The following WASHC5 variants were observed in gnomAD, a reference collection of about 807,000 sequenced individuals.
WASHC5 encodes the protein WASH complex subunit 5.
Under a neutral mutation model 150.4 loss-of-function variants are expected in WASHC5, and 101 were observed. The ratio of observed to expected loss-of-function variants is 0.67; its 90% CI spans 0.57 to 0.79. WASHC5 has a LOEUF of 0.79. Among genes scored for constraint, WASHC5 ranks in the 30% least tolerant of loss-of-function variants. WASHC5 has a pLI of 0.00. For missense variants in WASHC5, 1,195 were observed against 1,396.3 expected, an observed-to-expected ratio of 0.86 and a Z score of 2.30; for synonymous variants, 467 against 491.2, an observed-to-expected ratio of 0.95 and a Z score of 0.65.
chr8:125,077,012 CCTT>C (rs1451986221), intron 6 of WASHC5, among the ~76,000 whole-genome samples: 1 of 152,310 alleles, frequency 6.6e-6, no homozygotes, highest in Non-Finnish European at 1.5e-5. Flanking sequence ...TGAAATCTCT[CCTT>C]CTCTGGTTTC....
At chr8:125,082,149 A>G (rs977556955) in intron 4 of WASHC5, among the ~76,000 whole-genome samples, 8 of 152,222 alleles carry the variant, frequency 5.3e-5, no homozygotes, top group African/African-American at 1.4e-4. Context: ...AGAAGACAGA[A>G]TTCTTACACC....
chr8:125,057,477 G>T, intron 15 of WASHC5, 79 bp downstream of exon 15: 1 of 928,714 alleles, frequency 1.1e-6, no homozygotes. Context: ...ATATACTTTT[G>T]GGGGGCCTAA....
chr8:125,057,116 G>T (rs764628751), intron 15 of WASHC5, among the ~76,000 whole-genome samples: 5 of 152,178 alleles, frequency 3.3e-5, no homozygotes, highest in Non-Finnish European at 7.3e-5. Context: ...TGGCTAGAAT[G>T]CGACACCAGT....
chr8:125,031,975 C>T (rs189704804), intron 27 of WASHC5, among the ~76,000 whole-genome samples: 1 of 152,214 alleles, frequency 6.6e-6, no homozygotes, highest in Admixed American at 6.5e-5. Flanking sequence ...CACTTTCTTC[C>T]CCATGGTAGT....
In WASHC5 at chr8:125,068,703, T is replaced by C. The variant is rs561801789; in HGVS notation, c.1151-984A>G. Reference sequence around the variant, plus strand: ...CCCCAAACAAGAAGCAGCAGACCTCTGGCCATCCTGCTTCTTGTAGAGGCC... The same window carrying C: ...CCCCAAACAAGAAGCAGCAGACCTCCGGCCATCCTGCTTCTTGTAGAGGCC... On this transcript the variant is annotated intron_variant, in intron 9 of 28. Coordinates refer to ENST00000318410, the MANE Select transcript of WASHC5 (RefSeq NM_014846.4). Among the ~76,000 whole-genome samples, 7 of 152,296 alleles carry C rather than the reference T, an allele frequency of 4.6e-5. No individual in the cohort carries two copies. The South Asian group carries it at 1.5e-3, about 32-fold the overall frequency.
chr8:125,078,266 T>C (rs1024210294), intron 6 of WASHC5, among the ~76,000 whole-genome samples: 2 of 152,154 alleles, frequency 1.3e-5, no homozygotes, highest in Admixed American at 6.5e-5. Flanking sequence ...TTACCTTCCT[T>C]TTGTCACCTG....
intron 9 of WASHC5, among the ~76,000 whole-genome samples, chr8:125,069,515 A>C (rs777690124): frequency 6.6e-6 from 1 of 152,174 alleles, no homozygotes; most frequent in Non-Finnish European, 1.5e-5. Flanking sequence ...CCCCATCAAT[A>C]TCTCAGGATG....
intron 1 of WASHC5, among the ~76,000 whole-genome samples, chr8:125,088,553 G>C (rs62529097): frequency 0.032 from 4,842 of 152,164 alleles, 117 homozygotes; most frequent in Admixed American, 0.051. Flanking sequence ...TAGTCCAGGG[G>C]AAGCAACATA....
At chr8:125,047,650 C>T (rs1184011715) in intron 19 of WASHC5, among the ~76,000 whole-genome samples, 1 of 152,124 alleles carries the variant, frequency 6.6e-6, no homozygotes, top group Admixed American at 6.6e-5. Context: ...GTTGGCTAGG[C>T]TGATCTCGAA....
intron 25 of WASHC5, among the ~76,000 whole-genome samples, chr8:125,038,292 T>C (rs1004212296): frequency 2.0e-5 from 3 of 152,182 alleles, no homozygotes; most frequent in African/African-American, 7.2e-5. Context: ...TCAAAATATA[T>C]GAATGTTTAC....
intron 28 of WASHC5, among the ~76,000 whole-genome samples, chr8:125,025,089 A>C (rs534529335): frequency 1.3e-5 from 2 of 152,180 alleles, no homozygotes; most frequent in East Asian, 3.9e-4. Context: ...AATGAGAATG[A>C]GATACCAAGG....
At chr8:125,079,135 T>TATATATATATATAA in intron 5 of WASHC5, among the ~76,000 whole-genome samples, 2 of 117,486 alleles carry the variant, frequency 1.7e-5, no homozygotes, top group South Asian at 3.0e-4. Context: ...TATATATATA[T>TATATATATATATAA]ATATACATTT....
chr8:125,047,298 G>A lies in WASHC5; in HGVS notation c.2413C>T (p.His805Tyr), dbSNP rs1231901110. 2 of 1,613,892 alleles carry A rather than the reference G, an allele frequency of 1.2e-6. No individual in the cohort carries two copies. The highest frequency in any genetic ancestry group is 2.2e-5 in the South Asian group (2 of 91,070). ...QDWQSMYQST[H>Y]IPIPKFTPVD... Reference sequence around the variant, plus strand: ...GGGGTAAACTTGGGTATTGGAATATGAGTGGACTGGTACATGCTTTGCCAA... The same window carrying A: ...GGGGTAAACTTGGGTATTGGAATATAAGTGGACTGGTACATGCTTTGCCAA... The change falls in exon 20 of 29, where the codon CAT (histidine) becomes TAT (tyrosine). Residue 805 changes from histidine to tyrosine, a missense_variant. Physicochemically the swap from His to Tyr is moderately conservative, Grantham distance 83. Around this residue, in one of 3 missense-constraint regions of WASHC5, gnomAD observed 997 missense variants for 1,168.1 expected, o/e 0.85. Coordinates refer to ENST00000318410, the MANE Select transcript of WASHC5 (RefSeq NM_014846.4).
intron 16 of WASHC5, 51 bp from the exon 17 acceptor site, chr8:125,055,722 A>C: frequency 9.3e-7 from 1 of 1,074,596 alleles, no homozygotes; most frequent in Non-Finnish European, 1.5e-6. Flanking sequence ...TAGTCCTGGA[A>C]TGAACAAAGA....
chr8:125,063,716 G>T, intron 10 of WASHC5, 65 bp from the exon 11 acceptor site: 2 of 1,481,858 alleles, frequency 1.3e-6, no homozygotes, highest in African/African-American at 2.8e-5. Flanking sequence ...AGCTTATGAA[G>T]AGAGCTTGAG....
chr8:125,043,606 A>G lies in WASHC5; in HGVS notation c.2850+219T>C, dbSNP rs574398284. Among the ~76,000 whole-genome samples the G allele has an allele frequency of 3.4e-3, 517 of 152,364 alleles. 3 individuals are homozygous for G. The highest frequency in any genetic ancestry group is 4.7e-3 in the Non-Finnish European group (317 of 68,028). On this transcript the variant is annotated intron_variant, in intron 23 of 28. Coordinates refer to ENST00000318410, the MANE Select transcript of WASHC5 (RefSeq NM_014846.4). ...TTACAAAGAGCCAGTTTTCTTGAAC[A>G]AAAGGAAAACGCTAGGCTCCTAAAA... is the stretch of plus-strand genomic sequence containing the variant.
chr8:125,071,744 T>G (rs77514209), intron 9 of WASHC5, among the ~76,000 whole-genome samples: 2 of 152,034 alleles, frequency 1.3e-5, no homozygotes, highest in Non-Finnish European at 2.9e-5. Context: ...CGCTGCTGCT[T>G]TAACAATTAC....
chr8:125,025,884 G>A (rs1365497713), intron 28 of WASHC5, among the ~76,000 whole-genome samples: 1 of 140,402 alleles, frequency 7.1e-6, no homozygotes, highest in Non-Finnish European at 1.5e-5. Context: ...ACATAATATT[G>A]TGTCCTTCTC....
Position 125,078,949 on chromosome 8 carries a change from G to A in WASHC5, c.519-19C>T, listed in dbSNP as rs1369152195. 1 of 1,602,430 alleles carries A rather than the reference G, an allele frequency of 6.2e-7. No homozygotes were observed. Among genetic ancestry groups the A allele is most frequent in the Non-Finnish European group, 8.5e-7 (1 of 1,170,002 alleles). ...AGCAGCACTGAGTCATATTCACAATGGGAAACAAAGACCCAAAACACACAT... is the reference window on the plus strand; with the variant it reads ...AGCAGCACTGAGTCATATTCACAATAGGAAACAAAGACCCAAAACACACAT... On this transcript the variant is annotated intron_variant, in intron 5 of 28. Coordinates refer to ENST00000318410, the MANE Select transcript of WASHC5 (RefSeq NM_014846.4).
Sources: gnomAD v4.1 joint callset for allele counts (sites outside exome capture counted in the v4.1 genomes callset) on GRCh38, gnomAD v4.1.1 for gene constraint, gnomAD v4.1.1 regional missense constraint, MANE v1.5 for transcripts, NCBI Gene and HGNC (gene_info 2026-07-23, HGNC 2026-07-21) for gene names.